Variants in NCKAP5 observed in about 807,000 individuals in gnomAD.
NCKAP5 encodes the protein nck-associated protein 5.
NCKAP5 carries 92 observed loss-of-function variants against 167.0 expected under a neutral mutation model. The observed-to-expected ratio is 0.55, with a 90% confidence interval of 0.47 to 0.66. NCKAP5 has a LOEUF of 0.66. Among genes scored for constraint, NCKAP5 ranks in the 30% least tolerant of loss-of-function variants. The probability of loss-of-function intolerance (pLI) is 0.00; values close to 1 mark genes in which losing one functional copy is unlikely to be tolerated. For synonymous variants in NCKAP5, 891 were observed against 877.4 expected (o/e 1.02, Z -0.27); for missense variants, 2,378 against 2,315.0 (o/e 1.03, Z -0.56).
intron 7 of NCKAP5, among the ~76,000 whole-genome samples, chr2:132,991,645 A>T (rs1047040641): frequency 2.0e-5 from 3 of 152,212 alleles, no homozygotes; most frequent in Non-Finnish European, 4.4e-5. Flanking sequence ...TAGCTCAATG[A>T]TAAAAGACTC....
rs570649100 is a variant in NCKAP5, at chr2:133,104,142, TA to T, written c.341+25835del. Among the ~76,000 whole-genome samples the T allele has an allele frequency of 7.2e-3, 1,037 of 143,500 alleles. 10 individuals carry two copies. The highest frequency in any genetic ancestry group is 0.022 in the African/African-American group (874 of 39,348). The allele number at this position is 143,500 out of a possible 152,430, so 94.1% of individuals were successfully genotyped here. ...TACAGAATGGGGAAAACTATAGATC[TA>T]AAAAAAAAAAGTATAAGGAGTGATT... On this transcript the variant is annotated intron_variant, in intron 6 of 19. Coordinates refer to ENST00000409261, the MANE Select transcript of NCKAP5 (RefSeq NM_207363.3).
intron 15 of NCKAP5, among the ~76,000 whole-genome samples, 188 bp downstream of exon 15, chr2:132,780,864 A>C (rs886529723): frequency 6.6e-6 from 1 of 152,232 alleles, no homozygotes; most frequent in Non-Finnish European, 1.5e-5. Flanking sequence ...CTCGAGGTCC[A>C]GCTGCCAGCT....
At chr2:133,430,505 G>A (rs148190198) in intron 3 of NCKAP5, among the ~76,000 whole-genome samples, 20 of 152,090 alleles carry the variant, frequency 1.3e-4, no homozygotes, top group African/African-American at 3.4e-4. Context: ...TATAATTTGC[G>A]GTCATACGTT....
intron 2 of NCKAP5, among the ~76,000 whole-genome samples, chr2:133,542,206 T>C (rs997422893): frequency 2.6e-5 from 4 of 152,196 alleles, no homozygotes; most frequent in African/African-American, 7.2e-5. Context: ...CGAATGTCTA[T>C]GACAATACAG....
chr2:133,360,426 C>A (rs1489900980), intron 3 of NCKAP5, among the ~76,000 whole-genome samples: 1 of 152,004 alleles, frequency 6.6e-6, no homozygotes, highest in African/African-American at 2.4e-5. Flanking sequence ...AATTTGTTGC[C>A]ATGGGTACCC....
At chr2:133,217,944 A>G (rs2086501876) in intron 4 of NCKAP5, among the ~76,000 whole-genome samples, 1 of 152,102 alleles carries the variant, frequency 6.6e-6, no homozygotes, top group Non-Finnish European at 1.5e-5. Context: ...GCCACCAGAT[A>G]AATATGTGAG....
At chr2:133,081,212 AT>A (rs2080794400) in intron 6 of NCKAP5, among the ~76,000 whole-genome samples, 1 of 152,090 alleles carries the variant, frequency 6.6e-6, no homozygotes, top group Non-Finnish European at 1.5e-5. Context: ...GCAAATTAAT[AT>A]TTTACGCTCT....
intron 19 of NCKAP5, among the ~76,000 whole-genome samples, chr2:132,676,816 T>A (rs1054775572): frequency 7.2e-5 from 11 of 152,178 alleles, no homozygotes; most frequent in African/African-American, 2.7e-4. Flanking sequence ...ACATGAATTC[T>A]ACAGGGTAGG....
intron 6 of NCKAP5, among the ~76,000 whole-genome samples, chr2:133,021,335 G>C (rs1267614209): frequency 6.6e-6 from 1 of 152,186 alleles, no homozygotes; most frequent in African/African-American, 2.4e-5. Flanking sequence ...GGAGGGAAGG[G>C]AGGCCCAGAA....
At chr2:133,274,955 T>C (rs951455084) in intron 4 of NCKAP5, among the ~76,000 whole-genome samples, 5 of 151,496 alleles carry the variant, frequency 3.3e-5, no homozygotes, top group African/African-American at 1.2e-4. Context: ...ATTTTAAAAC[T>C]TTGTAAAAAA....
At chr2:133,487,615 C>T (rs956663511) in intron 3 of NCKAP5, among the ~76,000 whole-genome samples, 1 of 152,098 alleles carries the variant, frequency 6.6e-6, no homozygotes, top group Non-Finnish European at 1.5e-5. Context: ...GGGAGAAACA[C>T]TGGATATACC....
intron 3 of NCKAP5, among the ~76,000 whole-genome samples, chr2:133,430,179 C>T (rs1690067469): frequency 6.6e-6 from 1 of 151,874 alleles, no homozygotes; most frequent in Non-Finnish European, 1.5e-5. Flanking sequence ...TTTGTGGGTA[C>T]ATAGTAGGTA....
intron 6 of NCKAP5, among the ~76,000 whole-genome samples, chr2:133,020,263 G>C (rs1187103402): frequency 6.6e-6 from 1 of 152,116 alleles, no homozygotes; most frequent in Non-Finnish European, 1.5e-5. Flanking sequence ...GTAGAATTTG[G>C]ACTTGGACCC....
intron 19 of NCKAP5, among the ~76,000 whole-genome samples, chr2:132,706,640 C>T (rs1688382456): frequency 6.6e-6 from 1 of 152,188 alleles, no homozygotes; most frequent in Non-Finnish European, 1.5e-5. Context: ...GCCCTCTTAG[C>T]TGACCTCCCT....
chr2:133,341,003 T>A (rs912284767), intron 3 of NCKAP5, among the ~76,000 whole-genome samples: 32 of 152,196 alleles, frequency 2.1e-4, no homozygotes, highest in African/African-American at 7.2e-4. Context: ...CTCTAGCTGT[T>A]CATACATCTT....
rs575891569 is a variant in NCKAP5 at position 133,453,398 on chromosome 2, T to A, written c.69+64060A>T. Among the ~76,000 whole-genome samples, 4 of 152,238 alleles carry A rather than the reference T, an allele frequency of 2.6e-5. No homozygotes were observed. The South Asian group carries it at 8.3e-4, about 32-fold the overall frequency. ...TGACTAAAATCTCACCCACTTAAAA[T>A]AATCTGATAAAAATATTGTGCACAG... On this transcript the variant is annotated intron_variant, in intron 3 of 19. Coordinates refer to ENST00000409261, the MANE Select transcript of NCKAP5 (RefSeq NM_207363.3).
Position 132,964,433 on chromosome 2 carries a change from C to T in NCKAP5, c.430-564G>A, listed in dbSNP as rs941837346. 4.6e-5 allele frequency among the ~76,000 whole-genome samples: 7 copies of T among 152,160 alleles called. No individual in the cohort carries two copies. The East Asian group carries it at 5.8e-4, about 13-fold the overall frequency. ...CCTTTCTGTAACACTGTTCAGCATTCGTACTATGGCCTTGAGGCAGACATA... is the reference window on the plus strand; with the variant it reads ...CCTTTCTGTAACACTGTTCAGCATTTGTACTATGGCCTTGAGGCAGACATA... On this transcript the variant is annotated intron_variant, in intron 7 of 19. Transcript: ENST00000409261.
the NCKAP5 span, among the ~76,000 whole-genome samples, chr2:133,604,743 C>T: frequency 6.6e-5 from 10 of 152,182 alleles, no homozygotes; most frequent in Non-Finnish European, 1.5e-5. Flanking sequence ...CTACACAGGG[C>T]TGATGTGGGC....
chr2:133,419,725 T>C (rs138800006), intron 3 of NCKAP5, among the ~76,000 whole-genome samples: 3 of 152,342 alleles, frequency 2.0e-5, no homozygotes, highest in East Asian at 1.9e-4. Flanking sequence ...ACATTTAATT[T>C]TGCAAACCCT....
Sources: allele counts gnomAD v4.1 joint callset (sites outside exome capture counted in the v4.1 genomes callset), GRCh38; gene constraint gnomAD v4.1.1; transcripts MANE v1.5; gene names NCBI Gene and HGNC (gene_info 2026-07-23, HGNC 2026-07-21).